The following ACTR3B variants were observed in gnomAD, a reference collection of about 807,000 sequenced individuals.
ACTR3B encodes actin related protein 3B, also known as actin-related protein 3B.
Under a neutral mutation model 59.0 loss-of-function variants are expected in ACTR3B, and 8 were observed. That is an observed-to-expected ratio of 0.14 (90% confidence interval 0.08 to 0.24). ACTR3B has a LOEUF of 0.24. ACTR3B is among the 10% of genes least tolerant of loss of function. The pLI, the probability that ACTR3B is intolerant of heterozygous loss-of-function variation, is 1.00. For synonymous variants in ACTR3B, 148 were observed against 197.9 expected (o/e 0.75, Z 2.12); for missense variants, 245 against 552.3 (o/e 0.44, Z 5.58).
chr7:152,796,330 A>G (rs2098216487), intron 2 of ACTR3B, among the ~76,000 whole-genome samples: 1 of 152,080 alleles, frequency 6.6e-6, no homozygotes, highest in African/African-American at 2.4e-5. Context: ...GAATTGCTGG[A>G]TAAACATAAT....
chr7:152,789,360 C>G (rs1449383112), intron 2 of ACTR3B, among the ~76,000 whole-genome samples: 7 of 149,818 alleles, frequency 4.7e-5, no homozygotes, highest in Admixed American at 4.6e-4. Flanking sequence ...CCACTACACT[C>G]CTGCCTGGGT....
chr7:152,760,674 G>A (rs181171076), intron 1 of ACTR3B, among the ~76,000 whole-genome samples: 26 of 152,298 alleles, frequency 1.7e-4, no homozygotes, highest in Admixed American at 3.3e-4. Flanking sequence ...TGTGGTAGAG[G>A]TTTTTGTTTT....
At chr7:152,842,246 G>A (rs1797923913) in intron 9 of ACTR3B, among the ~76,000 whole-genome samples, 1 of 152,166 alleles carries the variant, frequency 6.6e-6, no homozygotes, top group Non-Finnish European at 1.5e-5. Flanking sequence ...ATTAGGCACA[G>A]TAAGAGACTA....
intron 2 of ACTR3B, among the ~76,000 whole-genome samples, chr7:152,785,558 G>A (rs1412909107): frequency 1.4e-5 from 2 of 145,548 alleles, no homozygotes; most frequent in African/African-American, 5.2e-5. Flanking sequence ...CAGGAGTCAA[G>A]GTTAGAAGAT....
At chr7:152,781,362 G>A (rs1215894652) in intron 1 of ACTR3B, among the ~76,000 whole-genome samples, 1 of 151,616 alleles carries the variant, frequency 6.6e-6, no homozygotes, top group Non-Finnish European at 1.5e-5. Flanking sequence ...TTCCGCTGGC[G>A]GTTTGACAAT....
chr7:152,810,078 C>G (rs1000720310), intron 4 of ACTR3B, among the ~76,000 whole-genome samples: 3 of 152,038 alleles, frequency 2.0e-5, no homozygotes, highest in Non-Finnish European at 4.4e-5. Context: ...ACTCATTGAA[C>G]GAGTCCCCAT....
Position 152,759,825 on chromosome 7 carries a change from G to T in ACTR3B, c.-58G>T. On this transcript the variant is annotated 5_prime_UTR_variant, in exon 1 of 12. Coordinates refer to ENST00000256001, the MANE Select transcript of ACTR3B (RefSeq NM_020445.6). ...GCGCGGGGCTAGCGGGCGGCGGAGC[G>T]GACGGCGACGGGGCGCTCTCGGGCT... is the stretch of plus-strand genomic sequence containing the variant. 1 of 1,184,928 alleles carries T rather than the reference G, an allele frequency of 8.4e-7. No individual in the cohort carries two copies. The allele number at this position is 1,184,928 out of a possible 1,614,324, so 73.4% of individuals were successfully genotyped here.
At chr7:152,850,725 A>G (rs1798737716) in intron 9 of ACTR3B, among the ~76,000 whole-genome samples, 2 of 152,226 alleles carry the variant, frequency 1.3e-5, no homozygotes, top group Admixed American at 6.5e-5. Context: ...CTCATATCAT[A>G]TAACTTAGAA....
At chr7:152,784,317 AAC>A (rs2098164516) in intron 2 of ACTR3B, among the ~76,000 whole-genome samples, 1 of 152,174 alleles carries the variant, frequency 6.6e-6, no homozygotes, top group South Asian at 2.1e-4. Context: ...ACAGGGAAAA[AAC>A]AGCTGGAGAG....
At chr7:152,853,048 C>T (rs1798953633) in intron 10 of ACTR3B, among the ~76,000 whole-genome samples, 1 of 152,028 alleles carries the variant, frequency 6.6e-6, no homozygotes, top group African/African-American at 2.4e-5. Context: ...GCCTCGGCCT[C>T]CCAAAGTGCT....
intron 9 of ACTR3B, among the ~76,000 whole-genome samples, chr7:152,825,881 A>G (rs531966416): frequency 6.6e-6 from 1 of 152,166 alleles, no homozygotes; most frequent in Non-Finnish European, 1.5e-5. Context: ...AAATTCTTAG[A>G]TTTCAGGGAA....
intron 2 of ACTR3B, among the ~76,000 whole-genome samples, chr7:152,790,840 G>T (rs2098193181): frequency 6.6e-6 from 1 of 152,072 alleles, no homozygotes. Context: ...TGAAGTATCT[G>T]TGTCTTAAGT....
In ACTR3B at chr7:152,814,664, G is replaced by C; in HGVS notation, c.432+19G>C. ...AGTTCAGGTAAAACCAGTTACGTTT[G>C]TGATTCCTAAAGCACCTGAGCTGTC... On this transcript the variant is annotated intron_variant, in intron 5 of 11. Coordinates refer to ENST00000256001, the MANE Select transcript of ACTR3B (RefSeq NM_020445.6). 6.2e-7 allele frequency: 1 copy of C among 1,600,334 alleles called. No homozygotes were observed. Among genetic ancestry groups the C allele is most frequent in the Non-Finnish European group, 8.6e-7 (1 of 1,168,288 alleles).
chr7:152,829,615 G>A (rs936235728), intron 9 of ACTR3B, among the ~76,000 whole-genome samples: 9 of 152,098 alleles, frequency 5.9e-5, no homozygotes, highest in African/African-American at 1.7e-4. Flanking sequence ...TGGGCCCACC[G>A]TGGGCTTCAT....
intron 7 of ACTR3B, among the ~76,000 whole-genome samples, chr7:152,822,492 G>C (rs1796254365): frequency 6.6e-6 from 1 of 152,240 alleles, no homozygotes; most frequent in South Asian, 2.1e-4. Context: ...GGCGGGAATC[G>C]TTAGCGACTT....
At chr7:152,798,495 GTTGA>G (rs1030241501) in intron 2 of ACTR3B, among the ~76,000 whole-genome samples, 21 of 152,200 alleles carry the variant, frequency 1.4e-4, no homozygotes, top group African/African-American at 5.1e-4. Context: ...TCTTCACTCC[GTTGA>G]TTGTTTTCTT....
intron 2 of ACTR3B, among the ~76,000 whole-genome samples, chr7:152,788,413 T>G (rs1321747383): frequency 1.5e-5 from 2 of 133,580 alleles, no homozygotes; most frequent in East Asian, 4.0e-4. Context: ...GTTCTAAAGT[T>G]TTTTTTTTTT....
chr7:152,843,225 GC>G (rs1250966839), intron 9 of ACTR3B, among the ~76,000 whole-genome samples: 2 of 152,116 alleles, frequency 1.3e-5, no homozygotes, highest in East Asian at 1.9e-4. Flanking sequence ...TATGGTTCAT[GC>G]TTTTTTATGT....
chr7:152,845,303 T>C (rs1245099900), intron 9 of ACTR3B, among the ~76,000 whole-genome samples: 1 of 152,194 alleles, frequency 6.6e-6, no homozygotes, highest in African/African-American at 2.4e-5. Flanking sequence ...CTGAGTACTT[T>C]CTGAGCTCAT....
Sources: gnomAD v4.1 joint callset for allele counts (sites outside exome capture counted in the v4.1 genomes callset) on GRCh38, gnomAD v4.1.1 for gene constraint, MANE v1.5 for transcripts, NCBI Gene and HGNC (gene_info 2026-07-23, HGNC 2026-07-21) for gene names.